SCML2: variants seen among roughly 807,000 people sequenced by gnomAD.
The protein encoded by SCML2 is Scm polycomb group protein like 2, also known as sex comb on midleg-like protein 2.
In SCML2, 6 loss-of-function variants were observed where a neutral mutation model predicts 48.4. That is an observed-to-expected ratio of 0.12 (90% CI 0.07 to 0.24). The LOEUF is 0.24. Ranked by LOEUF, SCML2 falls within the 10% of genes least tolerant of loss-of-function variation. SCML2 has a pLI of 1.00. For synonymous variants in SCML2, 181 were observed against 189.5 expected (o/e 0.95, Z 0.37); for missense variants, 377 against 528.2 (o/e 0.71, Z 2.81).
chrX:18,326,905 C>G (rs1271942570), intron 3 of SCML2, among the ~76,000 whole-genome samples: 1 of 111,172 alleles, frequency 9.0e-6, no homozygotes, highest in Non-Finnish European at 1.9e-5. Context: ...CGTTATAAAA[C>G]TAGAAGTCAT....
chrX:18,331,131 G>A (rs369507425), intron 2 of SCML2, among the ~76,000 whole-genome samples: 7 of 108,310 alleles, frequency 6.5e-5, no homozygotes, highest in Admixed American at 4.0e-4. Flanking sequence ...ATGGTGGCGG[G>A]CACCTGTAAT....
At chrX:18,337,305 C>CA (rs770888184) in intron 1 of SCML2, among the ~76,000 whole-genome samples, 143 of 5,057 alleles carry the variant, frequency 0.028, 36 homozygotes, top group South Asian at 0.059. Flanking sequence ...GACTCTGTCT[C>CA]AAAAAAAAAA....
chrX:18,291,350 T>C (rs1928227017), intron 7 of SCML2, among the ~76,000 whole-genome samples: 1 of 112,158 alleles, frequency 8.9e-6, no homozygotes, highest in South Asian at 3.7e-4. Flanking sequence ...TGCTGAATTT[T>C]CTATCCAAGT....
At chrX:18,299,452 A>G (rs942155464) in intron 7 of SCML2, among the ~76,000 whole-genome samples, 3 of 110,572 alleles carry the variant, frequency 2.7e-5, no homozygotes, top group East Asian at 5.7e-4. Flanking sequence ...TGGGAGGCAG[A>G]GGTTGCAGTG....
chrX:18,275,108 T>C (rs1343158251), intron 7 of SCML2, among the ~76,000 whole-genome samples: 1 of 112,282 alleles, frequency 8.9e-6, no homozygotes, highest in Admixed American at 9.4e-5. Context: ...TTAAATGTAT[T>C]TGATTGCAGT....
chrX:18,344,084 G>A (rs922588670), intron 1 of SCML2, among the ~76,000 whole-genome samples: 2 of 108,978 alleles, frequency 1.8e-5, no homozygotes, highest in African/African-American at 3.3e-5. Context: ...CCGTAATGCC[G>A]GCACTTTGGG....
chrX:18,292,099 T>G (rs779049232), intron 7 of SCML2, among the ~76,000 whole-genome samples: 55 of 111,863 alleles, frequency 4.9e-4, no homozygotes, highest in Admixed American at 1.0e-3. Context: ...AAGAAAAAGA[T>G]TCAATCTCAC....
chrX:18,339,605 C>G (rs1214358167), intron 1 of SCML2, among the ~76,000 whole-genome samples: 1 of 111,196 alleles, frequency 9.0e-6, no homozygotes, highest in African/African-American at 3.3e-5. Flanking sequence ...TCCCAGCTAC[C>G]TGGGAGGCTG....
chrX:18,309,200 C>CAAAA (rs34188571), intron 6 of SCML2, among the ~76,000 whole-genome samples: 3 of 51,709 alleles, frequency 5.8e-5, no homozygotes, highest in African/African-American at 1.9e-4. Context: ...GACTCTGTCT[C>CAAAA]AAAAAAAAAA....
intron 1 of SCML2, chrX:18,341,108 A>G (rs188000211): frequency 1.6e-3 from 279 of 169,934 alleles, no homozygotes; most frequent in African/African-American, 8.2e-3. Context: ...TGGGGCTGCC[A>G]GCAGGAGTGC....
At chrX:18,311,602 T>C (rs1836727638) in intron 6 of SCML2, among the ~76,000 whole-genome samples, 1 of 111,365 alleles carries the variant, frequency 9.0e-6, no homozygotes, top group South Asian at 3.8e-4. Context: ...CCAAGGAAGT[T>C]GAGTGTGGGT....
chrX:18,354,770 G>C, upstream of SCML2: 1 of 176,071 alleles, frequency 5.7e-6, no homozygotes, highest in East Asian at 1.2e-4. Context: ...CGGTTGCCGC[G>C]AGCACGCCCT....
chrX:18,265,783 T>A lies in SCML2; in HGVS notation c.750A>T (p.Ile250=), dbSNP rs765190623. 1 of 1,205,366 alleles carries A rather than the reference T, an allele frequency of 8.3e-7. No individual in the cohort carries two copies. ...CGGAAGGAGAAGACTCTGTTTTTGC[T>A]ATATTCTTTACAATAGGAACTGAGG... ...PGTSVPIVKN[I]AKTESSPSEA... Residue 250 remains isoleucine, a synonymous_variant, in exon 8 of 15, where the codon ATA becomes ATT. Coordinates refer to ENST00000251900, the MANE Select transcript of SCML2 (RefSeq NM_006089.3).
intron 12 of SCML2, 70 bp from the exon 13 acceptor site, chrX:18,246,898 A>G: frequency 9.7e-7 from 1 of 1,029,931 alleles, no homozygotes; most frequent in Non-Finnish European, 1.3e-6. Context: ...AAAGGTTAAA[A>G]ATCTCATCCC....
chrX:18,268,529 C>CAAAA (rs200323875), intron 7 of SCML2, among the ~76,000 whole-genome samples: 1 of 77,354 alleles, frequency 1.3e-5, no homozygotes. Context: ...AACTTCATCT[C>CAAAA]AAAAAAAAAA....
chrX:18,282,729 C>T (rs1927909821), intron 7 of SCML2, among the ~76,000 whole-genome samples: 1 of 111,456 alleles, frequency 9.0e-6, no homozygotes, highest in Admixed American at 9.5e-5. Flanking sequence ...CAAACAATCT[C>T]CCAAGATTGA....
intron 7 of SCML2, among the ~76,000 whole-genome samples, chrX:18,283,323 C>A (rs1346382399): frequency 8.9e-6 from 1 of 111,991 alleles, no homozygotes; most frequent in Non-Finnish European, 1.9e-5. Context: ...CCATCTATGA[C>A]AAACCCACAG....
At chrX:18,260,081 ATTATT>A (rs1440773268) in intron 9 of SCML2, 85 bp downstream of exon 9, 32 of 604,190 alleles carry the variant, frequency 5.3e-5, no homozygotes, top group Non-Finnish European at 6.9e-5. Flanking sequence ...TTTTTCCCTT[ATTATT>A]TTATTTCCAG....
At chrX:18,298,657 G>A (rs1321517238) in intron 7 of SCML2, among the ~76,000 whole-genome samples, 11 of 110,982 alleles carry the variant, frequency 9.9e-5, no homozygotes, top group Non-Finnish European at 1.9e-4. Context: ...AGGAGTTCGA[G>A]ACCAGACTGG....
Sources: allele counts gnomAD v4.1 joint callset (sites outside exome capture counted in the v4.1 genomes callset), GRCh38; gene constraint gnomAD v4.1.1; transcripts MANE v1.5; gene names NCBI Gene and HGNC (gene_info 2026-07-23, HGNC 2026-07-21).